The following THSD7B variants were observed in gnomAD, a reference collection of about 807,000 sequenced individuals.
THSD7B encodes the protein thrombospondin type 1 domain containing 7B, also known as thrombospondin type-1 domain-containing protein 7B.
A neutral mutation model predicts 213.6 loss-of-function variants in THSD7B; 138 were observed. The ratio of observed to expected loss-of-function variants is 0.65; its 90% CI spans 0.56 to 0.74. The LOEUF is 0.74. THSD7B is among the 30% of genes least tolerant of loss of function. THSD7B has a pLI of 0.00. For synonymous variants in THSD7B, 742 were observed against 687.0 expected (o/e 1.08, Z -1.25); for missense variants, 1,931 against 1,991.5 (o/e 0.97, Z 0.58).
intron 12 of THSD7B, among the ~76,000 whole-genome samples, chr2:137,308,378 G>A (rs916887924): frequency 6.6e-6 from 1 of 152,084 alleles, no homozygotes; most frequent in African/African-American, 2.4e-5. Flanking sequence ...AGAAGATCTG[G>A]TTGAAGCATT....
At chr2:137,176,417 A>T (rs950988801) in intron 7 of THSD7B, among the ~76,000 whole-genome samples, 2 of 152,140 alleles carry the variant, frequency 1.3e-5, no homozygotes, top group Admixed American at 6.6e-5. Context: ...GAAGACTCCC[A>T]CTTACCTTTA....
At chr2:137,340,817 A>G (rs893404996) in intron 12 of THSD7B, among the ~76,000 whole-genome samples, 9 of 151,688 alleles carry the variant, frequency 5.9e-5, no homozygotes, top group African/African-American at 2.2e-4. Flanking sequence ...TTCTGTATCC[A>G]TTCATCTTCT....
At position 137,641,298 on chromosome 2, in the gene THSD7B, CCT is replaced by C. The variant is rs1682933153; in HGVS notation, c.3800-1187_3800-1186del. 2.0e-5 allele frequency among the ~76,000 whole-genome samples: 3 copies of C among 152,308 alleles called. No homozygotes were observed. In the South Asian group the frequency reaches 6.2e-4, roughly 32 times the overall value. On this transcript the variant is annotated intron_variant, in intron 20 of 27. Coordinates refer to ENST00000409968, the MANE Select transcript of THSD7B (RefSeq NM_001316349.2). ...CTCACCATCTCTTCACGTGCTCCCT[CCT>C]CTGTGTGGCGTACTCTCTCTGCACA...
chr2:137,541,976 G>A (rs930340727), intron 15 of THSD7B, among the ~76,000 whole-genome samples: 1 of 151,428 alleles, frequency 6.6e-6, no homozygotes, highest in African/African-American at 2.4e-5. Context: ...TATCAAGTTT[G>A]TAAACATTCA....
chr2:136,925,109 G>A (rs895170682), intron 2 of THSD7B, among the ~76,000 whole-genome samples: 3 of 152,056 alleles, frequency 2.0e-5, no homozygotes, highest in Admixed American at 6.6e-5. Flanking sequence ...CACACAATGA[G>A]GTCATCTACA....
At chr2:137,336,682 T>C (rs1465351975) in intron 12 of THSD7B, among the ~76,000 whole-genome samples, 1 of 152,182 alleles carries the variant, frequency 6.6e-6, no homozygotes, top group Non-Finnish European at 1.5e-5. Flanking sequence ...AATTAAATTA[T>C]GAAATTGTGT....
chr2:137,482,097 G>A (rs1056185191), intron 15 of THSD7B, among the ~76,000 whole-genome samples: 17 of 151,760 alleles, frequency 1.1e-4, no homozygotes, highest in African/African-American at 3.1e-4. Flanking sequence ...AGAATGGCAC[G>A]TGAACCTGGG....
intron 12 of THSD7B, among the ~76,000 whole-genome samples, chr2:137,377,632 C>CT (rs113931649): frequency 0.053 from 7,631 of 145,284 alleles, 561 homozygotes; most frequent in African/African-American, 0.17. Context: ...ATAAAATTCA[C>CT]TTTTTTTTTT....
chr2:137,575,166 C>T (rs532733707), intron 17 of THSD7B, among the ~76,000 whole-genome samples: 159 of 151,910 alleles, frequency 1.0e-3, no homozygotes, highest in African/African-American at 3.7e-3. Context: ...GAAGTGAGGA[C>T]AATAATAGCT....
chr2:137,067,355 G>T (rs915967586), intron 3 of THSD7B, among the ~76,000 whole-genome samples: 1 of 152,038 alleles, frequency 6.6e-6, no homozygotes, highest in Admixed American at 6.6e-5. Flanking sequence ...CACTGTGTTT[G>T]CTATAGTTGT....
chr2:136,917,363 T>C (rs1202422090), intron 2 of THSD7B, among the ~76,000 whole-genome samples: 1 of 152,204 alleles, frequency 6.6e-6, no homozygotes, highest in African/African-American at 2.4e-5. Context: ...TTTTATTGGG[T>C]TGTTTTAGCA....
chr2:137,162,328 C>T (rs1014575919), intron 6 of THSD7B, among the ~76,000 whole-genome samples: 12 of 152,146 alleles, frequency 7.9e-5, no homozygotes, highest in African/African-American at 2.9e-4. Context: ...CCATTGGTCC[C>T]CGGAAGAGTC....
chr2:137,537,020 C>G (rs1024399757), intron 15 of THSD7B, among the ~76,000 whole-genome samples: 1 of 151,692 alleles, frequency 6.6e-6, no homozygotes, highest in African/African-American at 2.4e-5. Flanking sequence ...TTCCTAGAAC[C>G]CTACTAACTC....
intron 3 of THSD7B, among the ~76,000 whole-genome samples, chr2:137,076,373 G>A (rs1000527233): frequency 4.3e-4 from 66 of 152,344 alleles, no homozygotes; most frequent in African/African-American, 1.5e-3. Flanking sequence ...CTCTGTTGGT[G>A]TAGGACCCTC....
At chr2:137,646,850 TAA>T (rs979060866) in intron 21 of THSD7B, among the ~76,000 whole-genome samples, 33 of 152,194 alleles carry the variant, frequency 2.2e-4, no homozygotes, top group African/African-American at 7.2e-4. Context: ...AACACTTCTT[TAA>T]AAGAGGGTGC....
chr2:136,775,320 A>G (rs1046019434), intron 1 of THSD7B, among the ~76,000 whole-genome samples: 1 of 152,118 alleles, frequency 6.6e-6, no homozygotes, highest in African/African-American at 2.4e-5. Flanking sequence ...AAAATTTGCA[A>G]TTCAAATAAT....
intron 2 of THSD7B, among the ~76,000 whole-genome samples, chr2:137,010,111 C>A (rs1686198940): frequency 6.6e-6 from 1 of 152,132 alleles, no homozygotes; most frequent in African/African-American, 2.4e-5. Flanking sequence ...CTAGCACTGA[C>A]AAAATGTCAT....
At chr2:137,366,265 T>C (rs1685405279) in intron 12 of THSD7B, among the ~76,000 whole-genome samples, 1 of 151,996 alleles carries the variant, frequency 6.6e-6, no homozygotes, top group South Asian at 2.1e-4. Flanking sequence ...GAGGATGGGA[T>C]AGCATTGGGA....
chr2:137,673,858 G>T (rs982468556), intron 27 of THSD7B, among the ~76,000 whole-genome samples: 3 of 152,112 alleles, frequency 2.0e-5, no homozygotes, highest in Admixed American at 6.5e-5. Flanking sequence ...TGTGATTTTG[G>T]TGTCTGGCAA....
Sources: gnomAD v4.1 joint callset for allele counts (sites outside exome capture counted in the v4.1 genomes callset) on GRCh38, gnomAD v4.1.1 for gene constraint, MANE v1.5 for transcripts, NCBI Gene and HGNC (gene_info 2026-07-23, HGNC 2026-07-21) for gene names.